Variants in GALNS observed in about 807,000 individuals in gnomAD.
The protein encoded by GALNS is N-acetylgalactosamine-6-sulfatase.
GALNS carries 65 observed loss-of-function variants against 65.9 expected under a neutral mutation model. That is an observed-to-expected ratio of 0.99 (90% CI 0.81 to 1.21). The LOEUF is 1.21. Ranked by LOEUF, GALNS falls within the 50% of genes most tolerant of loss-of-function variation. The probability of loss-of-function intolerance (pLI) is 0.00; values close to 1 mark genes in which losing one functional copy is unlikely to be tolerated. For synonymous variants in GALNS, 346 were observed against 288.9 expected (o/e 1.20, Z -2.00); for missense variants, 776 against 700.7 (o/e 1.11, Z -1.21).
Position 88,856,934 on chromosome 16 carries a change from C to T in GALNS, c.-57G>A. ...GCGAGCCGACCTAGCGAGCGTCCGC[C>T]GGCCCTTCCGGCTGGGCTGCGGGGC... On this transcript the variant is annotated 5_prime_UTR_variant, in exon 1 of 14. Transcript: ENST00000268695. 2 of 1,465,826 alleles carry T rather than the reference C, an allele frequency of 1.4e-6. No homozygotes were observed. The highest frequency in any genetic ancestry group is 2.5e-5 in the Admixed American group (1 of 39,774). 90.8% of individuals were successfully genotyped at this position (1,465,826 alleles called of 1,614,324 possible). A position where few individuals can be genotyped will look rare whatever the true frequency, so the allele number is the denominator to read the frequency against.
At chr16:88,820,752 C>A (rs1316359707) in intron 12 of GALNS, among the ~76,000 whole-genome samples, 1 of 152,190 alleles carries the variant, frequency 6.6e-6, no homozygotes, top group Non-Finnish European at 1.5e-5. Flanking sequence ...CCCTGAGGAC[C>A]CCCCTGTGGA....
intron 9 of GALNS, among the ~76,000 whole-genome samples, chr16:88,827,759 G>C (rs996461212): frequency 1.2e-4 from 18 of 152,238 alleles, no homozygotes; most frequent in African/African-American, 2.6e-4. Context: ...TTCTTAACTC[G>C]GGGGCTCCAG....
At chr16:88,840,938 GGCCAGGAA>G in intron 4 of GALNS, 46 bp downstream of exon 4, 1 of 1,405,162 alleles carries the variant, frequency 7.1e-7, no homozygotes, top group Non-Finnish European at 1.0e-6. Context: ...TTGGAACCAA[GGCCAGGAA>G]GTGGATGGAG....
intron 1 of GALNS, among the ~76,000 whole-genome samples, chr16:88,853,765 G>T (rs566620027): frequency 3.6e-4 from 55 of 152,264 alleles, no homozygotes; most frequent in African/African-American, 1.2e-3. Flanking sequence ...GGCCGCGCTG[G>T]ACCGTGGGTC....
At position 88,819,943 on chromosome 16, in the gene GALNS, C is replaced by T. The variant is rs192511666; in HGVS notation, c.1365-1819G>A. ...TCCTGACCTCATGATCTGCCTGCCT[C>T]GGCCTCCCAAAGTGCTGGGATTACA... On this transcript the variant is annotated intron_variant, in intron 12 of 13. Coordinates refer to ENST00000268695, the MANE Select transcript of GALNS (RefSeq NM_000512.5). Among the ~76,000 whole-genome samples, 351 of 152,206 alleles carry T rather than the reference C, an allele frequency of 2.3e-3. 1 individual carries two copies. Among genetic ancestry groups the T allele is most frequent in the African/African-American group, 8.0e-3 (333 of 41,508 alleles).
At chr16:88,821,375 C>A (rs12930860) in intron 12 of GALNS, among the ~76,000 whole-genome samples, 7 of 152,166 alleles carry the variant, frequency 4.6e-5, no homozygotes, top group Admixed American at 3.9e-4. Context: ...TTGGACCCAG[C>A]GCCACCCGTG....
At chr16:88,835,909 C>G (rs1329123383) in intron 6 of GALNS, 60 bp from the exon 7 acceptor site, 7 of 1,611,222 alleles carry the variant, frequency 4.3e-6, no homozygotes, top group Non-Finnish European at 5.9e-6. Context: ...ATGCCTCCCA[C>G]GGTCCCCGTC....
rs139792239 is a variant in GALNS at position 88,853,680 on chromosome 16, G to A, written c.120+3078C>T. ...GGTCTCACCTGTCTCCAAGGCCCCA[G>A]AAGCCCTGGAGAGCAGAGTGGGCCA... is the stretch of plus-strand genomic sequence containing the variant. On this transcript the variant is annotated intron_variant, in intron 1 of 13. Coordinates refer to ENST00000268695, the MANE Select transcript of GALNS (RefSeq NM_000512.5). 3.9e-3 allele frequency among the ~76,000 whole-genome samples: 596 copies of A among 152,348 alleles called. 9 individuals carry two copies. Among genetic ancestry groups the A allele is most frequent in the Non-Finnish European group, 8.1e-4 (55 of 68,024 alleles).
chr16:88,837,319 G>A (rs1912243348), intron 5 of GALNS, among the ~76,000 whole-genome samples: 1 of 152,206 alleles, frequency 6.6e-6, no homozygotes, highest in Non-Finnish European at 1.5e-5. Flanking sequence ...CACATGGGCA[G>A]TACCCTGACA....
At chr16:88,814,666 T>C in intron 13 of GALNS, 141 bp from the exon 14 acceptor site, 1 of 1,346,460 alleles carries the variant, frequency 7.4e-7, no homozygotes, top group Non-Finnish European at 1.0e-6. Context: ...CGATCTTGGC[T>C]CACTGCAACC....
intron 13 of GALNS, chr16:88,817,127 G>A (rs1909712984): frequency 1.0e-6 from 1 of 985,492 alleles, no homozygotes; most frequent in Non-Finnish European, 1.2e-6. Context: ...ACAGGCCTTT[G>A]CGGCCACTGC....
In GALNS at chr16:88,835,769, G is replaced by C. The variant is rs375407159; in HGVS notation, c.714C>G (p.Pro238=). 1.2e-6 allele frequency: 2 copies of C among 1,614,146 alleles called. No homozygotes were observed. The highest frequency in any genetic ancestry group is 1.3e-5 in the African/African-American group (1 of 75,070). Residue 238 remains proline (P), a synonymous_variant, in exon 7 of 14, where the codon CCC becomes CCG. Transcript: ENST00000268695. ...CCAAGAAGGGTTTGGAGGCATAGACGGGTGCGTGCGTGGCGTCGACAGCCC... is the reference window on the plus strand; with the variant it reads ...CCAAGAAGGGTTTGGAGGCATAGACCGGTGCGTGCGTGGCGTCGACAGCCC... The part of the protein sequence containing the change: ...LYWAVDATHA[P]VYASKPFLGT...
intron 1 of GALNS, 178 bp downstream of exon 1, chr16:88,856,580 T>TG (rs1390574172): frequency 4.7e-6 from 2 of 425,814 alleles, no homozygotes; most frequent in Non-Finnish European, 4.3e-6. Context: ...CGCACGGGGA[T>TG]ACCCCCCGTC....
rs1434599563 is a variant in GALNS, at chr16:88,824,752, T to C, written c.1242+15A>G. ...GGGGGCAGCTCCGCCTGCGCCCACG[T>C]CCCGAGCCCTGTACCTGTCTGAAGT... On this transcript the variant is annotated intron_variant, in intron 11 of 13. Transcript: ENST00000268695. 6.2e-7 allele frequency: 1 copy of C among 1,609,798 alleles called. No individual in the cohort carries two copies. The highest frequency in any genetic ancestry group is 1.3e-5 in the African/African-American group (1 of 74,818).
At chr16:88,830,695 A>G (rs28430483) in intron 9 of GALNS, among the ~76,000 whole-genome samples, 25,334 of 152,194 alleles carry the variant, frequency 0.17, 3,229 homozygotes, top group African/African-American at 0.36. Flanking sequence ...CCTGGGCCAG[A>G]GGAGATGCAG....
Position 88,835,314 on chromosome 16 carries a change from C to T in GALNS, c.797G>A (p.Gly266Glu), listed in dbSNP as rs1912003874. ...DAVREIDDSI[G>E]KILELLQDLH... ...GTCTTGGAGGAGCTCCAGTATCTTC[C>T]CAATGCTGTCATCAATCTCCCGGAC... is the stretch of plus-strand genomic sequence containing the variant. Residue 266 changes from glycine (G) to glutamate (E), a missense_variant, in exon 8 of 14, where the codon GGG becomes GAG. Coordinates refer to ENST00000268695, the MANE Select transcript of GALNS (RefSeq NM_000512.5). 1 of 1,613,490 alleles carries T rather than the reference C, an allele frequency of 6.2e-7. No homozygotes were observed. Among genetic ancestry groups the T allele is most frequent in the Non-Finnish European group, 8.5e-7 (1 of 1,179,860 alleles).
intron 13 of GALNS, chr16:88,816,114 G>C: frequency 3.0e-6 from 3 of 984,928 alleles, no homozygotes; most frequent in Non-Finnish European, 3.6e-6. Context: ...AGCTCGCCAG[G>C]TCTGAGTTGG....
chr16:88,828,130 G>A (rs1410564904), intron 9 of GALNS, among the ~76,000 whole-genome samples: 1 of 152,240 alleles, frequency 6.6e-6, no homozygotes, highest in African/African-American at 2.4e-5. Flanking sequence ...AAGGTGAGAA[G>A]CTTCCCCAGG....
At chr16:88,834,606 C>CGG (rs1911904870) in intron 8 of GALNS, among the ~76,000 whole-genome samples, 1 of 128,934 alleles carries the variant, frequency 7.8e-6, no homozygotes, top group East Asian at 2.4e-4. Context: ...TAGGGCCCCC[C>CGG]CCGTGTGGTC....
Sources: allele counts gnomAD v4.1 joint callset (sites outside exome capture counted in the v4.1 genomes callset), GRCh38; gene constraint gnomAD v4.1.1; transcripts MANE v1.5; gene names NCBI Gene and HGNC (gene_info 2026-07-23, HGNC 2026-07-21).